The following DDX6 variants were observed in gnomAD, a reference collection of about 807,000 sequenced individuals.
DDX6 encodes DEAD-box helicase 6, also known as probable ATP-dependent RNA helicase DDX6.
A neutral mutation model predicts 60.6 loss-of-function variants in DDX6; 7 were observed. That is an observed-to-expected ratio of 0.12 (90% confidence interval 0.07 to 0.22). The LOEUF (loss-of-function observed/expected upper bound fraction) is 0.22, where lower values mean the gene tolerates loss of function less well. DDX6 is among the 10% of genes least tolerant of loss of function. The probability of loss-of-function intolerance (pLI) is 1.00; values close to 1 mark genes in which losing one functional copy is unlikely to be tolerated. For synonymous variants in DDX6, 207 were observed against 201.0 expected (o/e 1.03, Z -0.25); for missense variants, 270 against 589.9 (o/e 0.46, Z 5.62).
chr11:118,783,456 TGGGATGAAC>T (rs1163371363), intron 2 of DDX6, among the ~76,000 whole-genome samples: 1 of 152,172 alleles, frequency 6.6e-6, no homozygotes, highest in Non-Finnish European at 1.5e-5. Flanking sequence ...CCCAAAGTGA[TGGGATGAAC>T]GGCATGAGCC....
At chr11:118,768,472 A>C (rs1461046194) in intron 4 of DDX6, 120 bp from the exon 5 acceptor site, 1 of 1,009,332 alleles carries the variant, frequency 9.9e-7, no homozygotes, top group Non-Finnish European at 1.4e-6. Context: ...AGTATCCTAC[A>C]TTTGAATTCT....
chr11:118,784,736 C>T (rs182324270), intron 2 of DDX6, among the ~76,000 whole-genome samples: 14 of 151,106 alleles, frequency 9.3e-5, no homozygotes, highest in African/African-American at 2.7e-4. Context: ...GGATTAAAGG[C>T]GTGAGCTACC....
intron 4 of DDX6, among the ~76,000 whole-genome samples, chr11:118,778,464 G>T (rs575667670): frequency 6.6e-6 from 1 of 152,250 alleles, no homozygotes; most frequent in South Asian, 2.1e-4. Flanking sequence ...TCCCCTGGGG[G>T]ACAAAAATCC....
Position 118,786,444 on chromosome 11 carries a change from T to G in DDX6, c.-193A>C, listed in dbSNP as rs961781383. 4.8e-6 allele frequency: 2 copies of G among 412,628 alleles called. No individual in the cohort carries two copies. The highest frequency in any genetic ancestry group is 7.1e-5 in the East Asian group (2 of 28,158). The allele number at this position is 412,628 out of a possible 1,614,324, so 25.6% of individuals were successfully genotyped here. A position where few individuals can be genotyped will look rare whatever the true frequency, so the allele number is the denominator to read the frequency against. On this transcript the variant is annotated 5_prime_UTR_variant, in exon 2 of 14. Coordinates refer to ENST00000534980, the MANE Select transcript of DDX6 (RefSeq NM_004397.6). ...GGTAAGCAGCAGTAACTTGCTCTCT[T>G]GCACGGAATCAACTTTTTATTTTTA... is the stretch of plus-strand genomic sequence containing the variant.
At chr11:118,768,118 T>C in intron 5 of DDX6, 105 bp downstream of exon 5, 1 of 1,113,688 alleles carries the variant, frequency 9.0e-7, no homozygotes. Flanking sequence ...AGAATACAAA[T>C]TTTAGATAAT....
At chr11:118,786,891 C>T (rs1862092433) in intron 1 of DDX6, 1 of 152,244 alleles carries the variant, frequency 6.6e-6, no homozygotes, top group Admixed American at 6.5e-5. Context: ...TTACAACTCA[C>T]TGAAGTATCA....
chr11:118,780,447 A>G (rs1861857229), intron 3 of DDX6, among the ~76,000 whole-genome samples: 1 of 152,096 alleles, frequency 6.6e-6, no homozygotes, highest in Non-Finnish European at 1.5e-5. Flanking sequence ...CCTCCTGAGC[A>G]GCTGGATTAC....
At chr11:118,756,701 A>G (rs576036732) in intron 10 of DDX6, among the ~76,000 whole-genome samples, 5 of 152,226 alleles carry the variant, frequency 3.3e-5, no homozygotes, top group Non-Finnish European at 7.3e-5. Context: ...TAAAACTTCT[A>G]TAATAAAGGA....
chr11:118,776,672 A>C (rs1206379340), intron 4 of DDX6, among the ~76,000 whole-genome samples: 9 of 152,000 alleles, frequency 5.9e-5, no homozygotes, highest in African/African-American at 2.2e-4. Context: ...ATCTCTACTA[A>C]AACACAAAAA....
intron 4 of DDX6, among the ~76,000 whole-genome samples, chr11:118,776,493 A>G (rs1861703218): frequency 6.6e-6 from 1 of 152,164 alleles, no homozygotes; most frequent in African/African-American, 2.4e-5. Context: ...GCTAAGTACT[A>G]GAGATAAAAG....
At chr11:118,766,644 G>T (rs1247130474) in intron 5 of DDX6, among the ~76,000 whole-genome samples, 1 of 152,034 alleles carries the variant, frequency 6.6e-6, no homozygotes, top group South Asian at 2.1e-4. Context: ...CCAGGCTGAA[G>T]TGCAGTGGCT....
At chr11:118,754,376 C>T (rs1306112289) in intron 13 of DDX6, among the ~76,000 whole-genome samples, 1 of 152,090 alleles carries the variant, frequency 6.6e-6, no homozygotes, top group Non-Finnish European at 1.5e-5. Flanking sequence ...CACTGCACTC[C>T]AGCCTGGATG....
intron 12 of DDX6, 49 bp from the exon 13 acceptor site, chr11:118,754,936 ATGTGAAT>A (rs1471638091): frequency 8.7e-6 from 13 of 1,502,394 alleles, no homozygotes; most frequent in Non-Finnish European, 1.2e-5. Flanking sequence ...ATGAAAATCA[ATGTGAAT>A]TGTGCAAGTC....
chr11:118,755,704 G>A (rs1441970965), intron 11 of DDX6, among the ~76,000 whole-genome samples: 1 of 151,852 alleles, frequency 6.6e-6, no homozygotes, highest in Non-Finnish European at 1.5e-5. Context: ...TCCAGTAATT[G>A]TAAGCAAGTT....
At chr11:118,759,076 C>G (rs542760678) in intron 8 of DDX6, 174 bp from the exon 9 acceptor site, 1 of 832,240 alleles carries the variant, frequency 1.2e-6, no homozygotes, top group South Asian at 1.9e-5. Flanking sequence ...CCCTGCCACC[C>G]TGAGACAAAA....
chr11:118,752,512 C>A (rs1860810563), intron 13 of DDX6, among the ~76,000 whole-genome samples: 1 of 152,014 alleles, frequency 6.6e-6, no homozygotes, highest in Admixed American at 6.6e-5. Context: ...GTGGCTCCTG[C>A]CAGTAATCTC....
At chr11:118,763,915 A>G in intron 6 of DDX6, among the ~76,000 whole-genome samples, 1 of 152,120 alleles carries the variant, frequency 6.6e-6, no homozygotes, top group Non-Finnish European at 1.5e-5. Context: ...AAAGGCACAA[A>G]GATGTGTTTT....
chr11:118,753,447 C>G (rs570178659), intron 13 of DDX6, among the ~76,000 whole-genome samples: 1 of 147,574 alleles, frequency 6.8e-6, no homozygotes, highest in African/African-American at 2.5e-5. Context: ...TCAAGTGATT[C>G]GCCTGCCTCA....
Position 118,754,753 on chromosome 11 carries a change from C to T in DDX6, c.1411G>A (p.Ala471Thr). ...TCTACAGGCTCGCTGTGGTATTCTG[C>T]CACATACAGGCTCTTATCAATGTTG... is the stretch of plus-strand genomic sequence containing the variant. The part of the protein sequence containing the change: ...PSNIDKSLYV[A>T]EYHSEPVEDE... The change falls in exon 13 of 14, where the codon GCA becomes ACA. Residue 471 changes from alanine (A) to threonine (T), a missense_variant. This residue lies in a region of DDX6 where 34 missense variants were observed against 59.4 expected (regional missense o/e 0.57). Coordinates refer to ENST00000534980, the MANE Select transcript of DDX6 (RefSeq NM_004397.6). 6.2e-7 allele frequency: 1 copy of T among 1,613,296 alleles called. No homozygotes were observed. Among genetic ancestry groups the T allele is most frequent in the South Asian group, 1.1e-5 (1 of 90,884 alleles).
Sources: allele counts gnomAD v4.1 joint callset (sites outside exome capture counted in the v4.1 genomes callset), GRCh38; gene constraint gnomAD v4.1.1; regional missense constraint gnomAD v4.1.1; transcripts MANE v1.5; gene names NCBI Gene and HGNC (gene_info 2026-07-23, HGNC 2026-07-21).